The following TASP1 variants were observed in gnomAD, a reference collection of about 807,000 sequenced individuals.
The protein encoded by TASP1 is taspase 1, also known as threonine aspartase 1.
Under a neutral mutation model 56.6 loss-of-function variants are expected in TASP1, and 16 were observed. That is an observed-to-expected ratio of 0.28 (90% CI 0.19 to 0.43). The LOEUF (loss-of-function observed/expected upper bound fraction) is 0.43. TASP1 is among the 20% of genes least tolerant of loss of function. The pLI, the probability that TASP1 is intolerant of heterozygous loss-of-function variation, is 1.00. For missense variants in TASP1, 393 were observed against 511.6 expected (o/e 0.77, Z 2.24); for synonymous variants, 179 against 184.2 (o/e 0.97, Z 0.23).
chr20:13,528,235 A>G (rs1323116379), intron 10 of TASP1, among the ~76,000 whole-genome samples, 198 bp downstream of exon 10: 1 of 151,242 alleles, frequency 6.6e-6, no homozygotes, highest in Admixed American at 6.6e-5. Flanking sequence ...AAAAAAAAAA[A>G]AAAAAAAAAG....
intron 13 of TASP1, among the ~76,000 whole-genome samples, chr20:13,412,949 G>C (rs1319408511): frequency 6.6e-6 from 1 of 152,046 alleles, no homozygotes; most frequent in Non-Finnish European, 1.5e-5. Context: ...CTTAAGGCAA[G>C]GTAAGGATTT....
intron 8 of TASP1, among the ~76,000 whole-genome samples, chr20:13,540,884 C>CA (rs899104644): frequency 1.9e-4 from 28 of 148,790 alleles, no homozygotes; most frequent in East Asian, 9.7e-4. Flanking sequence ...GTAAAAAAGG[C>CA]AAAAAAAAAT....
At chr20:13,393,256 T>C in intron 13 of TASP1, 1 of 741,308 alleles carries the variant, frequency 1.3e-6, no homozygotes, top group Non-Finnish European at 2.5e-6. Context: ...TCCGGGAAAC[T>C]GTGGCATGAG....
chr20:13,171,140 T>C, the TASP1 span, among the ~76,000 whole-genome samples: 2 of 152,206 alleles, frequency 1.3e-5, no homozygotes, highest in Non-Finnish European at 2.9e-5. Context: ...CAACAATACA[T>C]GATTTCCCCT....
downstream of TASP1, among the ~76,000 whole-genome samples, chr20:13,386,404 A>T (rs1438667449): frequency 2.0e-5 from 3 of 152,220 alleles, no homozygotes; most frequent in African/African-American, 7.2e-5. Flanking sequence ...ATTTTTATTT[A>T]AAATTTACAT....
At chr20:13,460,117 T>C (rs2043999119) in intron 11 of TASP1, among the ~76,000 whole-genome samples, 2 of 152,170 alleles carry the variant, frequency 1.3e-5, no homozygotes, top group Non-Finnish European at 2.9e-5. Context: ...CTGGGATTTG[T>C]ATCCCCTCCA....
chr20:13,378,822 A>C, the TASP1 span, among the ~76,000 whole-genome samples: 1 of 152,172 alleles, frequency 6.6e-6, no homozygotes, highest in Non-Finnish European at 1.5e-5. Context: ...CTTTACCATT[A>C]TGTAATGCCT....
chr20:13,614,620 A>G (rs1237451381), intron 4 of TASP1: 2 of 274,030 alleles, frequency 7.3e-6, no homozygotes, highest in African/African-American at 2.3e-5. Context: ...AATCTGCCTA[A>G]TTTACAAGGG....
At chr20:13,266,029 A>G in the TASP1 span, among the ~76,000 whole-genome samples, 1 of 152,182 alleles carries the variant, frequency 6.6e-6, no homozygotes, top group Non-Finnish European at 1.5e-5. Context: ...TGGAAGAGAG[A>G]AAGGCAAATG....
At chr20:13,182,448 A>G in the TASP1 span, among the ~76,000 whole-genome samples, 1 of 152,250 alleles carries the variant, frequency 6.6e-6, no homozygotes, top group Admixed American at 6.5e-5. Context: ...AACTGACCTG[A>G]TTATTTCCAT....
intron 4 of TASP1, among the ~76,000 whole-genome samples, chr20:13,590,535 T>C (rs2047484737): frequency 6.6e-6 from 1 of 152,098 alleles, no homozygotes; most frequent in South Asian, 2.1e-4. Context: ...CAGGTAGGTA[T>C]ATGAAAGCAT....
At position 13,460,119 on chromosome 20, in the gene TASP1, T is replaced by C. The variant is rs1420175341; in HGVS notation, c.985+23108A>G. Among the ~76,000 whole-genome samples, 3 of 152,098 alleles carry C rather than the reference T, an allele frequency of 2.0e-5. No homozygotes were observed. In the East Asian group the frequency reaches 5.8e-4, roughly 29 times the overall value. ...TTACCCACTCACACTGGGATTTGTA[T>C]CCCCTCCACTTCATCCAAACCTACT... is the stretch of plus-strand genomic sequence containing the variant. On this transcript the variant is annotated intron_variant, in intron 11 of 13. Coordinates refer to ENST00000337743, the MANE Select transcript of TASP1 (RefSeq NM_017714.3).
At chr20:13,561,731 A>G (rs1238893210) in intron 7 of TASP1, among the ~76,000 whole-genome samples, 1 of 152,210 alleles carries the variant, frequency 6.6e-6, no homozygotes, top group Non-Finnish European at 1.5e-5. Flanking sequence ...GAGACAGACA[A>G]TGGGAAAAGA....
At chr20:13,137,364 T>C in the TASP1 span, among the ~76,000 whole-genome samples, 1 of 152,198 alleles carries the variant, frequency 6.6e-6, no homozygotes, top group South Asian at 2.1e-4. Context: ...TTTCAGCTAA[T>C]GGGATGCTCC....
chr20:13,357,994 A>G, the TASP1 span, among the ~76,000 whole-genome samples: 1 of 152,118 alleles, frequency 6.6e-6, no homozygotes. Context: ...GCCCTGCCGC[A>G]CCTTAACTGA....
intron 10 of TASP1, among the ~76,000 whole-genome samples, chr20:13,508,530 G>A (rs776227769): frequency 5.9e-5 from 9 of 152,060 alleles, no homozygotes; most frequent in South Asian, 2.1e-4. Flanking sequence ...GAAAAACTCC[G>A]AAATTCAAAA....
chr20:13,402,217 G>A (rs1382081567), intron 13 of TASP1, among the ~76,000 whole-genome samples: 1 of 152,206 alleles, frequency 6.6e-6, no homozygotes, highest in Admixed American at 6.5e-5. Flanking sequence ...TTGGAGCAAT[G>A]TTGAATGAAT....
At chr20:13,226,994 A>G in the TASP1 span, among the ~76,000 whole-genome samples, 1 of 152,186 alleles carries the variant, frequency 6.6e-6, no homozygotes, top group Non-Finnish European at 1.5e-5. Context: ...TTTAGAACCC[A>G]TAGTGCAAGG....
chr20:13,324,004 T>C, the TASP1 span, among the ~76,000 whole-genome samples: 1 of 152,230 alleles, frequency 6.6e-6, no homozygotes, highest in African/African-American at 2.4e-5. Context: ...AGAAATGTTA[T>C]CTATCTCCCT....
Sources: allele counts gnomAD v4.1 joint callset (sites outside exome capture counted in the v4.1 genomes callset), GRCh38; gene constraint gnomAD v4.1.1; transcripts MANE v1.5; gene names NCBI Gene and HGNC (gene_info 2026-07-23, HGNC 2026-07-21).